MOB4: variants seen among roughly 807,000 people sequenced by gnomAD.
MOB4 encodes the protein MOB-like protein phocein.
In MOB4, 4 loss-of-function variants were observed where a neutral mutation model predicts 32.2. The ratio of observed to expected loss-of-function variants is 0.12; its 90% CI spans 0.06 to 0.28. The LOEUF (loss-of-function observed/expected upper bound fraction) is 0.28, where lower values mean the gene tolerates loss of function less well. Ranked by LOEUF, MOB4 falls within the 10% of genes least tolerant of loss-of-function variation. The pLI is 1.00. For synonymous variants in MOB4, 88 were observed against 88.1 expected (o/e 1.00, Z 0.01); for missense variants, 158 against 271.2 (o/e 0.58, Z 2.93).
rs1242576929 is a variant in MOB4, at chr2:197,540,077, A to T, written c.225-34A>T. ...TTCTAAAAATTGCTGTGAAGAATAG[A>T]TATGACTTTTTATTTATGTATTTGC... On this transcript the variant is annotated intron_variant, in intron 3 of 7. Transcript: ENST00000323303. 3.2e-6 allele frequency: 5 copies of T among 1,581,850 alleles called. No individual in the cohort carries two copies. In the African/African-American group the frequency reaches 4.1e-5, roughly 13 times the overall value.
At chr2:197,524,643 A>T (rs535422902) in intron 2 of MOB4, among the ~76,000 whole-genome samples, 3 of 151,976 alleles carry the variant, frequency 2.0e-5, no homozygotes, top group Admixed American at 2.0e-4. Flanking sequence ...CATTGGTTAA[A>T]TTTTTTTTGT....
intron 5 of MOB4, among the ~76,000 whole-genome samples, chr2:197,544,560 T>C (rs369031779): frequency 2.5e-4 from 38 of 152,156 alleles, no homozygotes; most frequent in Non-Finnish European, 4.4e-4. Flanking sequence ...AAGACCATCC[T>C]GGCTAACACG....
intron 5 of MOB4, among the ~76,000 whole-genome samples, chr2:197,547,349 G>T (rs919460172): frequency 6.6e-6 from 1 of 152,096 alleles, no homozygotes; most frequent in African/African-American, 2.4e-5. Context: ...ATACCCAAAT[G>T]ACAAATATGA....
rs572414838 is a variant in MOB4, at chr2:197,550,302, G to C, written c.462G>C (p.Ala154=). ...TTAGCATAAAGGAATCATCTGTAGC[G>C]AAACTAGGATCAGTATGCCGTAGGA... The part of the protein sequence containing the change: ...SRVSIKESSV[A]KLGSVCRRIY... Residue 154 remains alanine, a synonymous_variant, in exon 7 of 8, where the codon GCG becomes GCC. Coordinates refer to ENST00000323303, the MANE Select transcript of MOB4 (RefSeq NM_015387.5). 9.9e-6 allele frequency: 16 copies of C among 1,613,186 alleles called. No homozygotes were observed. The African/African-American group carries it at 1.2e-4, about 12-fold the overall frequency.
At chr2:197,532,163 C>T (rs1219864948) in intron 2 of MOB4, among the ~76,000 whole-genome samples, 1 of 152,124 alleles carries the variant, frequency 6.6e-6, no homozygotes, top group East Asian at 1.9e-4. Context: ...CCCGCCTCTG[C>T]CTCCCAAAGT....
intron 2 of MOB4, among the ~76,000 whole-genome samples, chr2:197,534,285 G>A (rs145023783): frequency 2.0e-5 from 3 of 152,270 alleles, no homozygotes; most frequent in East Asian, 1.9e-4. Context: ...CTGTTCTAAC[G>A]TATTTAGACT....
At chr2:197,516,377 G>C (rs955973849) in intron 1 of MOB4, 3 of 1,413,862 alleles carry the variant, frequency 2.1e-6, no homozygotes, top group African/African-American at 2.9e-5. Flanking sequence ...GGGCGGGTGG[G>C]GTCTGCTGGT....
At chr2:197,536,042 G>A (rs534968987) in intron 3 of MOB4, among the ~76,000 whole-genome samples, 1 of 151,984 alleles carries the variant, frequency 6.6e-6, no homozygotes, top group African/African-American at 2.4e-5. Context: ...GGGACTACAG[G>A]TGTGTGCCAG....
intron 5 of MOB4, among the ~76,000 whole-genome samples, chr2:197,547,096 A>G (rs2087008765): frequency 6.6e-6 from 1 of 152,044 alleles, no homozygotes; most frequent in Admixed American, 6.5e-5. Context: ...TTTTTTAAAG[A>G]AAATCGTAAG....
rs1169729122 is a variant in MOB4, at chr2:197,552,877, A to C, written c.*2231A>C. 6.6e-6 allele frequency: 1 copy of C among 152,260 alleles called. No homozygotes were observed. Among genetic ancestry groups the C allele is most frequent in the East Asian group, 1.9e-4 (1 of 5,234 alleles). 9.4% of individuals were successfully genotyped at this position (152,260 alleles called of 1,614,324 possible). Reference sequence around the variant, plus strand: ...CTGTGTGATAAGGAAGTTAGGCTCCACTTTTTGTTTGAATTACCCTATGTA... The same window carrying C: ...CTGTGTGATAAGGAAGTTAGGCTCCCCTTTTTGTTTGAATTACCCTATGTA... On this transcript the variant is annotated 3_prime_UTR_variant, in exon 8 of 8. Transcript: ENST00000323303.
At chr2:197,546,123 G>A (rs767917092) in intron 5 of MOB4, among the ~76,000 whole-genome samples, 3 of 151,624 alleles carry the variant, frequency 2.0e-5, no homozygotes, top group African/African-American at 2.4e-5. Context: ...GTGCAGTGGC[G>A]CGATCTTGGC....
At chr2:197,515,941 C>A (rs1449224275), upstream of MOB4, 11 of 798,102 alleles carry the variant, frequency 1.4e-5, no homozygotes, top group African/African-American at 1.8e-5. Flanking sequence ...CCCGCTTCTA[C>A]CCGGACGGCT....
chr2:197,533,782 C>T (rs2086749770), intron 2 of MOB4: 6 of 547,520 alleles, frequency 1.1e-5, no homozygotes, highest in South Asian at 2.9e-5. Flanking sequence ...ATGGTGTGTG[C>T]GTGTGACTCA....
intron 5 of MOB4, among the ~76,000 whole-genome samples, chr2:197,545,494 A>G (rs1185112569): frequency 6.6e-6 from 1 of 152,206 alleles, no homozygotes; most frequent in East Asian, 1.9e-4. Context: ...GTATGTGTAC[A>G]ATGGAATAAT....
chr2:197,530,497 T>G (rs2086682469), intron 2 of MOB4, among the ~76,000 whole-genome samples: 1 of 152,080 alleles, frequency 6.6e-6, no homozygotes, highest in South Asian at 2.1e-4. Context: ...ACTCTTGGCC[T>G]CAAGCAGTCC....
At chr2:197,516,490 C>T (rs1341493156) in intron 1 of MOB4, 39 of 910,938 alleles carry the variant, frequency 4.3e-5, no homozygotes, top group East Asian at 1.4e-4. Flanking sequence ...AGGGGCGCGA[C>T]CAGCCTGGTG....
chr2:197,544,570 G>A (rs760252417), intron 5 of MOB4, among the ~76,000 whole-genome samples: 6 of 152,046 alleles, frequency 3.9e-5, no homozygotes, highest in South Asian at 2.1e-4. Flanking sequence ...TGGCTAACAC[G>A]GTGAAACCCC....
intron 1 of MOB4, among the ~76,000 whole-genome samples, chr2:197,521,548 A>G (rs1015334650): frequency 6.6e-6 from 1 of 152,196 alleles, no homozygotes; most frequent in Non-Finnish European, 1.5e-5. Context: ...CCTCTTCCTA[A>G]TAAGCCTGGG....
intron 5 of MOB4, among the ~76,000 whole-genome samples, chr2:197,544,716 G>C (rs1430039223): frequency 6.6e-6 from 1 of 150,638 alleles, no homozygotes; most frequent in Non-Finnish European, 1.5e-5. Context: ...TCACATCACT[G>C]CACTCCAGCC....
Sources: gnomAD v4.1 joint callset for allele counts (sites outside exome capture counted in the v4.1 genomes callset) on GRCh38, gnomAD v4.1.1 for gene constraint, MANE v1.5 for transcripts, NCBI Gene and HGNC (gene_info 2026-07-23, HGNC 2026-07-21) for gene names.